CEP350: variants seen among roughly 807,000 people sequenced by gnomAD.
The protein encoded by CEP350 is centrosome-associated protein 350.
Under a neutral mutation model 331.8 loss-of-function variants are expected in CEP350, and 126 were observed. The observed-to-expected ratio is 0.38, with a 90% CI of 0.33 to 0.44. CEP350 has a LOEUF of 0.44. Ranked by LOEUF, CEP350 falls within the 20% of genes least tolerant of loss-of-function variation. The probability of loss-of-function intolerance (pLI) is 1.00; values close to 1 mark genes in which losing one functional copy is unlikely to be tolerated. For synonymous variants in CEP350, 1,200 were observed against 1,259.5 expected (o/e 0.95, Z 1.00); for missense variants, 3,406 against 3,634.6 (o/e 0.94, Z 1.62).
chr1:180,007,842 G>A (rs1654363672), intron 8 of CEP350, among the ~76,000 whole-genome samples: 1 of 92,192 alleles, frequency 1.1e-5, no homozygotes, highest in Non-Finnish European at 2.2e-5. Flanking sequence ...TATGTATCGT[G>A]TGTGTGTGTG....
chr1:179,987,255 C>T lies in CEP350; in HGVS notation c.89C>T (p.Ser30Leu), dbSNP rs765028602. 3.0e-5 allele frequency: 46 copies of T among 1,557,582 alleles called. No homozygotes were observed. The highest frequency in any genetic ancestry group is 5.2e-5 in the Admixed American group (3 of 57,172). The change falls in exon 3 of 38, where the codon TCG (serine) becomes TTG (leucine). Residue 30 changes from serine to leucine, a missense_variant. Around this residue, in one of 5 missense-constraint regions of CEP350, gnomAD observed 1,857 missense variants for 1,909.2 expected, o/e 0.97. Coordinates refer to ENST00000367607, the MANE Select transcript of CEP350 (RefSeq NM_014810.5). ...KDTVQADITT[S>L]WDALSQTKAA... ...TTTTTCCCAGCAGATATAACCACATCGTGGGATGCACTTTCTCAAACCAAG... is the reference window on the plus strand; with the variant it reads ...TTTTTCCCAGCAGATATAACCACATTGTGGGATGCACTTTCTCAAACCAAG...
Position 180,024,461 on chromosome 1 carries a change from T to A in CEP350, c.3429T>A (p.Ser1143=). The change falls in exon 14 of 38, where the codon TCT becomes TCA. Residue 1143 remains serine, a synonymous_variant. Coordinates refer to ENST00000367607, the MANE Select transcript of CEP350 (RefSeq NM_014810.5). The part of the protein sequence containing the change: ...SPQEDHSNRK[S]AYDPSSVDVT... ...AGGAGGACCATTCTAACAGAAAGTCTGCCTATGATCCTTCCTCTGTGGATG... is the reference window on the plus strand; with the variant it reads ...AGGAGGACCATTCTAACAGAAAGTCAGCCTATGATCCTTCCTCTGTGGATG... 1 of 1,612,886 alleles carries A rather than the reference T, an allele frequency of 6.2e-7. No individual in the cohort carries two copies. Among genetic ancestry groups the A allele is most frequent in the Non-Finnish European group, 8.5e-7 (1 of 1,179,376 alleles).
chr1:180,017,940 A>G (rs1655074946), intron 11 of CEP350, among the ~76,000 whole-genome samples: 1 of 152,122 alleles, frequency 6.6e-6, no homozygotes, highest in Non-Finnish European at 1.5e-5. Context: ...GTGATGTCTT[A>G]TTTTAGCTGT....
chr1:180,055,198 A>G (rs1383537332), intron 25 of CEP350, among the ~76,000 whole-genome samples: 1 of 152,220 alleles, frequency 6.6e-6, no homozygotes, highest in Admixed American at 6.5e-5. Flanking sequence ...ATTAGTTGCT[A>G]TTATTTGAAT....
chr1:179,981,758 T>G (rs1301525115), intron 1 of CEP350, among the ~76,000 whole-genome samples: 2 of 152,108 alleles, frequency 1.3e-5, no homozygotes, highest in Non-Finnish European at 2.9e-5. Flanking sequence ...CCCAGCACTT[T>G]AGGCTGAGGT....
At chr1:179,961,930 C>G (rs1428196904) in intron 1 of CEP350, among the ~76,000 whole-genome samples, 1 of 151,884 alleles carries the variant, frequency 6.6e-6, no homozygotes, top group Non-Finnish European at 1.5e-5. Flanking sequence ...ATTGCAACTT[C>G]TGCCTCCCAG....
chr1:180,106,294 C>G (rs1437679529), intron 37 of CEP350, among the ~76,000 whole-genome samples: 5 of 152,194 alleles, frequency 3.3e-5, no homozygotes, highest in Admixed American at 2.0e-4. Flanking sequence ...TTCCTCCTGT[C>G]TCTACGTCTT....
chr1:179,965,615 C>CTTTTTTTTTTT (rs747027286), intron 1 of CEP350, among the ~76,000 whole-genome samples: 212 of 84,366 alleles, frequency 2.5e-3, no homozygotes, highest in African/African-American at 4.5e-3. Context: ...TTTTTCTTTT[C>CTTTTTTTTTTT]TTTTTTTTTT....
chr1:180,006,518 A>T lies in CEP350; in HGVS notation c.1197A>T (p.Val399=). The change falls in exon 8 of 38, where the codon GTA becomes GTT. Residue 399 remains valine (V), a synonymous_variant. Transcript: ENST00000367607. ...AAGAGAAGAAAGTAGTCAAGCCAGT[A>T]CGAAAAGTCCAAAAAGTAGCACAGT... ...KSKEKKVVKP[V]RKVQKVAQLS... is the part of the protein sequence containing the mutation. 1 of 1,556,684 alleles carries T rather than the reference A, an allele frequency of 6.4e-7. No homozygotes were observed.
In CEP350 at chr1:180,076,492, T is replaced by C. The variant is rs557339062; in HGVS notation, c.5767+1271T>C. ...ATCTCAATGGATTCAGAAAGACATT[T>C]GATAAAATTTAAAAAGCATTTGTGG... On this transcript the variant is annotated intron_variant, in intron 28 of 37. Coordinates refer to ENST00000367607, the MANE Select transcript of CEP350 (RefSeq NM_014810.5). Among the ~76,000 whole-genome samples the C allele has an allele frequency of 2.0e-5, 3 of 152,290 alleles. No homozygotes were observed. The East Asian group carries it at 5.8e-4, about 29-fold the overall frequency.
At chr1:180,045,210 C>T (rs538162557) in intron 21 of CEP350, among the ~76,000 whole-genome samples, 2 of 152,118 alleles carry the variant, frequency 1.3e-5, no homozygotes, top group East Asian at 1.9e-4. Flanking sequence ...TGCGTGGTGG[C>T]GTGTGCCCAT....
chr1:179,957,798 C>T (rs920423782), intron 1 of CEP350, among the ~76,000 whole-genome samples: 5 of 152,068 alleles, frequency 3.3e-5, no homozygotes, highest in African/African-American at 4.8e-5. Flanking sequence ...AATGATTTGC[C>T]TAGGTGCTCT....
At chr1:179,974,106 G>A (rs1172873079) in intron 1 of CEP350, among the ~76,000 whole-genome samples, 6 of 149,030 alleles carry the variant, frequency 4.0e-5, no homozygotes, top group African/African-American at 1.2e-4. Flanking sequence ...TTGAGATGGA[G>A]TCTCGCTCTG....
At chr1:179,994,080 T>C (rs1186207981) in intron 5 of CEP350, among the ~76,000 whole-genome samples, 1 of 152,214 alleles carries the variant, frequency 6.6e-6, no homozygotes, top group African/African-American at 2.4e-5. Flanking sequence ...ATAAATATTT[T>C]TTCCTAAAAT....
intron 24 of CEP350, 36 bp downstream of exon 24, chr1:180,053,970 A>G: frequency 2.8e-6 from 4 of 1,424,796 alleles, no homozygotes; most frequent in Non-Finnish European, 3.8e-6. Context: ...TAATTTCTTC[A>G]TTCATAAAAT....
In CEP350 at chr1:180,027,385, G is replaced by A. The variant is rs546113712; in HGVS notation, c.3550+2803G>A. ...ATACTATTCTGTTTTGGCTTTTTTTGTTTTGTTTTTTGAGATAGGGTCTCA... is the reference window on the plus strand; with the variant it reads ...ATACTATTCTGTTTTGGCTTTTTTTATTTTGTTTTTTGAGATAGGGTCTCA... On this transcript the variant is annotated intron_variant, in intron 14 of 37. Coordinates refer to ENST00000367607, the MANE Select transcript of CEP350 (RefSeq NM_014810.5). Among the ~76,000 whole-genome samples the A allele has an allele frequency of 8.2e-4, 125 of 151,992 alleles. 2 individuals are homozygous for A. The highest frequency in any genetic ancestry group is 2.9e-3 in the African/African-American group (120 of 41,462).
In CEP350 at chr1:179,954,816, T is replaced by C; in HGVS notation, c.-340T>C. The C allele has an allele frequency of 2.4e-6, 1 of 420,400 alleles. No homozygotes were observed. The allele number at this position is 420,400 out of a possible 1,614,324, so 26.0% of individuals were successfully genotyped here. Reference sequence around the variant, plus strand: ...GCCGCTCCTCCTCCGTGTCAGTTGTTGGGCTGTAATGGCGACTGGGCCGCC... The same window carrying C: ...GCCGCTCCTCCTCCGTGTCAGTTGTCGGGCTGTAATGGCGACTGGGCCGCC... On this transcript the variant is annotated 5_prime_UTR_variant, in exon 1 of 38. Transcript: ENST00000367607.
chr1:180,055,319 AGGATTAAATGAGGTAACATAT>A (rs1430794821), intron 25 of CEP350, among the ~76,000 whole-genome samples: 1 of 152,110 alleles, frequency 6.6e-6, no homozygotes, highest in Non-Finnish European at 1.5e-5. Flanking sequence ...AGTGGTTGTG[AGGATTAAATGAGGTAACATAT>A]GTAAAGTGGG....
intron 37 of CEP350, among the ~76,000 whole-genome samples, chr1:180,102,649 T>TTTTTTTTTTTTTTTTTTTGAGACGGA: frequency 6.6e-6 from 1 of 151,958 alleles, no homozygotes; most frequent in African/African-American, 2.4e-5. Context: ...GCATTGTTTC[T>TTTTTTTTTTTTTTTTTTTGAGACGGA]GCATCCTTTT....
Sources: gnomAD v4.1 joint callset for allele counts (sites outside exome capture counted in the v4.1 genomes callset) on GRCh38, gnomAD v4.1.1 for gene constraint, gnomAD v4.1.1 regional missense constraint, MANE v1.5 for transcripts, NCBI Gene and HGNC (gene_info 2026-07-23, HGNC 2026-07-21) for gene names.